Variants in OSBPL9 observed in about 807,000 individuals in gnomAD.
The protein encoded by OSBPL9 is oxysterol binding protein like 9.
Under a neutral mutation model 106.6 loss-of-function variants are expected in OSBPL9, and 40 were observed. The ratio of observed to expected loss-of-function variants is 0.38; its 90% CI spans 0.29 to 0.49. The LOEUF (loss-of-function observed/expected upper bound fraction) is 0.49, where lower values mean the gene tolerates loss of function less well. Ranked by LOEUF, OSBPL9 falls within the 20% of genes least tolerant of loss-of-function variation. The probability of loss-of-function intolerance (pLI) is 0.97; values close to 1 mark genes in which losing one functional copy is unlikely to be tolerated. For missense variants in OSBPL9, 609 were observed against 887.2 expected (o/e 0.69, Z 3.98); for synonymous variants, 269 against 295.4 (o/e 0.91, Z 0.92).
At chr1:51,621,638 A>T (rs189929755) in intron 1 of OSBPL9, among the ~76,000 whole-genome samples, 5 of 152,352 alleles carry the variant, frequency 3.3e-5, no homozygotes, top group African/African-American at 1.2e-4. Context: ...AGAATGTCGC[A>T]AACATTTCTT....
At chr1:51,755,414 A>T (rs1200223742) in intron 8 of OSBPL9, among the ~76,000 whole-genome samples, 1 of 152,196 alleles carries the variant, frequency 6.6e-6, no homozygotes, top group Non-Finnish European at 1.5e-5. Flanking sequence ...ATGGTCCCTG[A>T]CTTAATAATG....
chr1:51,761,901 A>G lies in OSBPL9; in HGVS notation c.708A>G (p.Pro236=), dbSNP rs1671590353. 4 of 1,613,924 alleles carry G rather than the reference A, an allele frequency of 2.5e-6. No individual in the cohort carries two copies. The highest frequency in any genetic ancestry group is 3.4e-6 in the Non-Finnish European group (4 of 1,179,812). Residue 236 remains proline, a synonymous_variant, in exon 11 of 24, where the codon CCA becomes CCG. Coordinates refer to ENST00000428468, the MANE Select transcript of OSBPL9 (RefSeq NM_024586.6). ...AGTTGTGTAAGTCAGAGCAGCGTCC[A>G]TCTTCCCTACCAGTTGGACCTGTGT... ...PVQLCKSEQR[P]SSLPVGPVLA... is the part of the protein sequence containing the mutation.
chr1:51,536,885 C>G, the OSBPL9 span, among the ~76,000 whole-genome samples: 2 of 152,154 alleles, frequency 1.3e-5, no homozygotes. Flanking sequence ...TCACTTTGAT[C>G]AGCGGATTAA....
intron 12 of OSBPL9, among the ~76,000 whole-genome samples, chr1:51,768,623 G>T (rs1167735209): frequency 6.6e-6 from 1 of 152,246 alleles, no homozygotes; most frequent in Non-Finnish European, 1.5e-5. Context: ...TTCAGTAAAA[G>T]CTTGATAATA....
chr1:51,572,935 C>T (rs552554836), upstream of OSBPL9, among the ~76,000 whole-genome samples: 10 of 152,230 alleles, frequency 6.6e-5, no homozygotes, highest in African/African-American at 1.7e-4. Context: ...GTGGGCCAGG[C>T]GCAGTGGCAC....
Position 51,667,464 on chromosome 1 carries a change from A to G in OSBPL9, c.163-1970A>G, listed in dbSNP as rs7548081. Among the ~76,000 whole-genome samples the G allele has an allele frequency of 5.7e-3, 871 of 152,308 alleles. 2 individuals are homozygous for G. Among genetic ancestry groups the G allele is most frequent in the African/African-American group, 0.02 (826 of 41,568 alleles). ...ACATTTTTTGTAAGTAGAATCATGT[A>G]ACATGTGATCCTTAGTGACTAGCTT... is the stretch of plus-strand genomic sequence containing the variant. On this transcript the variant is annotated intron_variant, in intron 2 of 23. Transcript: ENST00000428468.
intron 1 of OSBPL9, among the ~76,000 whole-genome samples, chr1:51,636,771 A>C (rs1645477189): frequency 6.6e-6 from 1 of 152,018 alleles, no homozygotes; most frequent in Admixed American, 6.6e-5. Context: ...GCAACAGAGT[A>C]ACACTCCATC....
chr1:51,777,654 G>T (rs1280970173), intron 15 of OSBPL9, among the ~76,000 whole-genome samples: 1 of 151,678 alleles, frequency 6.6e-6, no homozygotes, highest in African/African-American at 2.4e-5. Context: ...TCTTGATGAA[G>T]ATTTAAAAGA....
chr1:51,699,920 C>T (rs548612318), intron 3 of OSBPL9, among the ~76,000 whole-genome samples: 7 of 152,254 alleles, frequency 4.6e-5, no homozygotes, highest in South Asian at 2.1e-4. Flanking sequence ...ACATGTATAT[C>T]GAAAACCATG....
intron 15 of OSBPL9, among the ~76,000 whole-genome samples, chr1:51,778,025 G>A (rs1333414370): frequency 6.6e-6 from 1 of 152,134 alleles, no homozygotes; most frequent in Non-Finnish European, 1.5e-5. Flanking sequence ...AGGCTTGGTG[G>A]TGTGCACCTG....
rs183527481 is a variant in OSBPL9, at chr1:51,758,651, T to C, written c.583-2039T>C. ...AGCCTAATTGTAAGAACGTTTCATC[T>C]GGAAAATAAAAGATTACATCCAAAA... On this transcript the variant is annotated intron_variant, in intron 9 of 23. Transcript: ENST00000428468. Among the ~76,000 whole-genome samples, 71 of 152,304 alleles carry C rather than the reference T, an allele frequency of 4.7e-4. 3 individuals carry two copies. The South Asian group carries it at 0.012, about 25-fold the overall frequency.
At chr1:51,752,732 A>G in intron 8 of OSBPL9, 2 of 343,652 alleles carry the variant, frequency 5.8e-6, no homozygotes, top group Non-Finnish European at 5.8e-6. Flanking sequence ...CTTGGTGAGT[A>G]TGCACAGAGA....
chr1:51,740,121 CT>C (rs1666571421), intron 4 of OSBPL9: 1 of 1,549,118 alleles, frequency 6.5e-7, no homozygotes, highest in African/African-American at 1.4e-5. Context: ...TCTATTCTCT[CT>C]TTTCCTTACT....
chr1:51,745,704 A>C, intron 5 of OSBPL9, 73 bp downstream of exon 5: 2 of 1,402,778 alleles, frequency 1.4e-6, no homozygotes, highest in South Asian at 3.5e-5. Context: ...GAGTAAAAAC[A>C]GTTACTTGAT....
intron 7 of OSBPL9, chr1:51,749,621 T>G (rs922212371): frequency 1.3e-5 from 3 of 232,668 alleles, no homozygotes; most frequent in African/African-American, 6.8e-5. Context: ...TATCAGTGTC[T>G]TAGGTAGATT....
intron 1 of OSBPL9, among the ~76,000 whole-genome samples, chr1:51,644,130 TATTGTAGAGGGCTGG>T (rs1393562567): frequency 6.9e-6 from 1 of 145,030 alleles, no homozygotes; most frequent in Non-Finnish European, 1.5e-5. Flanking sequence ...TATTGGGATG[TATTGTAGAGGGCTGG>T]ATTGGGGTGG....
In OSBPL9 at chr1:51,756,306, C is replaced by T. The variant is rs761664936; in HGVS notation, c.544-14C>T. On this transcript the variant is annotated splice_polypyrimidine_tract_variant and intron_variant, in intron 8 of 23. Coordinates refer to ENST00000428468, the MANE Select transcript of OSBPL9 (RefSeq NM_024586.6). ...GTAAGAATGAAGTTAATATTTTTAA[C>T]ATTTTTCCTTAAGGACCAGAGTAAT... is the stretch of plus-strand genomic sequence containing the variant. 6.2e-7 allele frequency: 1 copy of T among 1,608,860 alleles called. No homozygotes were observed. Among genetic ancestry groups the T allele is most frequent in the South Asian group, 1.1e-5 (1 of 90,778 alleles).
intron 3 of OSBPL9, among the ~76,000 whole-genome samples, chr1:51,695,030 C>T (rs1655736374): frequency 6.6e-6 from 1 of 152,122 alleles, no homozygotes; most frequent in Admixed American, 6.5e-5. Context: ...CATTAGTTCC[C>T]AACTCAGACA....
At chr1:51,695,380 C>T (rs759796915) in intron 3 of OSBPL9, among the ~76,000 whole-genome samples, 3 of 152,088 alleles carry the variant, frequency 2.0e-5, no homozygotes, top group Non-Finnish European at 4.4e-5. Flanking sequence ...AGTATTAGTA[C>T]GAAAATAGTT....
Sources: gnomAD v4.1 joint callset for allele counts (sites outside exome capture counted in the v4.1 genomes callset) on GRCh38, gnomAD v4.1.1 for gene constraint, MANE v1.5 for transcripts, NCBI Gene and HGNC (gene_info 2026-07-23, HGNC 2026-07-21) for gene names.